The following NIPBL variants were observed in gnomAD, a reference collection of about 807,000 sequenced individuals.
The protein encoded by NIPBL is NIPBL cohesin loading factor, also known as nipped-B-like protein.
Under a neutral mutation model 321.8 loss-of-function variants are expected in NIPBL, and 19 were observed. The observed-to-expected ratio is 0.06, with a 90% CI of 0.04 to 0.09. The LOEUF (loss-of-function observed/expected upper bound fraction) is 0.09, where lower values mean the gene tolerates loss of function less well. Among genes scored for constraint, NIPBL ranks in the 10% least tolerant of loss-of-function variants. NIPBL has a pLI of 1.00. For missense variants in NIPBL, 2,210 were observed against 3,327.0 expected (o/e 0.66, Z 8.26); for synonymous variants, 1,106 against 1,114.1 (o/e 0.99, Z 0.14).
chr5:36,889,195 G>T (rs1259713975), intron 1 of NIPBL, among the ~76,000 whole-genome samples: 1 of 152,128 alleles, frequency 6.6e-6, no homozygotes, highest in East Asian at 1.9e-4. Context: ...AGAAATGGTG[G>T]ACAACATTGA....
At chr5:37,039,355 A>C (rs1271448444) in intron 34 of NIPBL, among the ~76,000 whole-genome samples, 2 of 151,266 alleles carry the variant, frequency 1.3e-5, no homozygotes, top group Admixed American at 6.6e-5. Flanking sequence ...AAAATCTATA[A>C]TATCATACCA....
chr5:37,011,636 T>C (rs1748137191), intron 21 of NIPBL, among the ~76,000 whole-genome samples: 1 of 152,230 alleles, frequency 6.6e-6, no homozygotes, highest in Non-Finnish European at 1.5e-5. Context: ...CCAATCCCAT[T>C]GTTTGTCTCT....
chr5:36,941,035 G>A (rs929751462), intron 1 of NIPBL, among the ~76,000 whole-genome samples: 3 of 152,122 alleles, frequency 2.0e-5, no homozygotes, highest in Non-Finnish European at 4.4e-5. Context: ...TATTGTAGGT[G>A]TTAGGTATTA....
At chr5:37,020,260 A>G (rs1749474653) in intron 25 of NIPBL, among the ~76,000 whole-genome samples, 199 bp from the exon 26 acceptor site, 1 of 152,222 alleles carries the variant, frequency 6.6e-6, no homozygotes, top group African/African-American at 2.4e-5. Flanking sequence ...GTATTGGAAC[A>G]TAGTAAAATA....
At chr5:36,931,805 T>C (rs1343458759) in intron 1 of NIPBL, among the ~76,000 whole-genome samples, 2 of 151,732 alleles carry the variant, frequency 1.3e-5, no homozygotes, top group African/African-American at 4.8e-5. Context: ...TTTTTGTTTA[T>C]TTTTACTTTT....
chr5:37,038,114 C>T (rs1008924249), intron 33 of NIPBL, among the ~76,000 whole-genome samples: 3 of 151,888 alleles, frequency 2.0e-5, no homozygotes, highest in African/African-American at 7.3e-5. Context: ...CTCGGCCTCC[C>T]GAGTAACTGA....
chr5:37,064,282 G>A (rs1755147889), intron 46 of NIPBL: 4 of 1,363,538 alleles, frequency 2.9e-6, no homozygotes, highest in Non-Finnish European at 3.8e-6. Flanking sequence ...TGGTTCATAT[G>A]TATATATAAT....
intron 43 of NIPBL, 120 bp downstream of exon 43, chr5:37,057,452 T>G (rs1008443805): frequency 1.2e-5 from 12 of 995,178 alleles, no homozygotes; most frequent in Non-Finnish European, 1.8e-5. Flanking sequence ...TCTTTCTAAG[T>G]GAACTTAATG....
At chr5:36,988,464 C>T (rs1371878709) in intron 10 of NIPBL, among the ~76,000 whole-genome samples, 1 of 151,486 alleles carries the variant, frequency 6.6e-6, no homozygotes, top group Admixed American at 6.6e-5. Context: ...GTGTAGCTAT[C>T]TTTTGGATTA....
At chr5:37,026,450 CCTTTA>C (rs747373652) in intron 31 of NIPBL, 123 bp downstream of exon 31, 17 of 703,778 alleles carry the variant, frequency 2.4e-5, no homozygotes, top group Middle Eastern at 2.4e-4. Context: ...CGTACTGCTG[CCTTTA>C]CTTTATATTT....
intron 1 of NIPBL, among the ~76,000 whole-genome samples, chr5:36,909,833 T>C (rs1201013369): frequency 4.6e-5 from 7 of 152,180 alleles, no homozygotes; most frequent in African/African-American, 1.7e-4. Context: ...ATCCCAGCAC[T>C]TTGGGAGGCC....
intron 1 of NIPBL, among the ~76,000 whole-genome samples, chr5:36,881,438 T>G (rs1416225334): frequency 6.6e-6 from 1 of 151,954 alleles, no homozygotes; most frequent in African/African-American, 2.4e-5. Context: ...CATTGCCAGC[T>G]AAGATTTTGA....
intron 31 of NIPBL, among the ~76,000 whole-genome samples, chr5:37,026,879 C>A (rs1267630885): frequency 1.3e-5 from 2 of 151,214 alleles, no homozygotes; most frequent in Non-Finnish European, 1.5e-5. Context: ...GCACTACACT[C>A]CAGCCTGGGC....
intron 16 of NIPBL, 73 bp from the exon 17 acceptor site, chr5:37,006,284 A>G (rs1268094768): frequency 1.2e-6 from 1 of 854,222 alleles, no homozygotes; most frequent in Non-Finnish European, 2.0e-6. Flanking sequence ...TGAAAATCAA[A>G]TCATAATTTT....
intron 1 of NIPBL, among the ~76,000 whole-genome samples, chr5:36,930,768 A>G (rs544056781): frequency 1.3e-5 from 2 of 152,208 alleles, no homozygotes; most frequent in African/African-American, 4.8e-5. Context: ...GATTTTGTCA[A>G]GTGTTTTTCT....
At chr5:36,970,186 T>G (rs897649446) in intron 6 of NIPBL, among the ~76,000 whole-genome samples, 1 of 151,828 alleles carries the variant, frequency 6.6e-6, no homozygotes, top group Non-Finnish European at 1.5e-5. Flanking sequence ...GCCAGGAGTT[T>G]GAGAGCAGCC....
At chr5:37,057,722 G>A (rs1754255917) in intron 43 of NIPBL, among the ~76,000 whole-genome samples, 1 of 152,130 alleles carries the variant, frequency 6.6e-6, no homozygotes, top group South Asian at 2.1e-4. Context: ...CACTTAAACA[G>A]AAAATTTATG....
intron 12 of NIPBL, 115 bp from the exon 13 acceptor site, chr5:37,000,702 A>G (rs984526639): frequency 2.8e-5 from 35 of 1,252,432 alleles, no homozygotes; most frequent in Admixed American, 2.1e-4. Context: ...CTTAGTTTCT[A>G]TGTGCAGTGA....
At chr5:36,973,801 T>C (rs1305162375) in intron 8 of NIPBL, among the ~76,000 whole-genome samples, 1 of 152,104 alleles carries the variant, frequency 6.6e-6, no homozygotes, top group Non-Finnish European at 1.5e-5. Context: ...GCCTGCATTA[T>C]GTATTTGTCC....
Sources: allele counts gnomAD v4.1 joint callset (sites outside exome capture counted in the v4.1 genomes callset), GRCh38; gene constraint gnomAD v4.1.1; transcripts MANE v1.5; gene names NCBI Gene and HGNC (gene_info 2026-07-23, HGNC 2026-07-21).